The following PGR variants were observed in gnomAD, a reference collection of about 807,000 sequenced individuals.
PGR encodes nuclear receptor subfamily 3 group C member 3.
In PGR, 25 loss-of-function variants were observed where a neutral mutation model predicts 76.1. The observed-to-expected ratio is 0.33, with a 90% CI of 0.24 to 0.46. The LOEUF is 0.46. Among genes scored for constraint, PGR ranks in the 20% least tolerant of loss-of-function variants. PGR has a pLI of 1.00. For missense variants in PGR, 1,172 were observed against 1,225.3 expected, an observed-to-expected ratio of 0.96 and a Z score of 0.65; for synonymous variants, 579 against 535.0, an observed-to-expected ratio of 1.08 and a Z score of -1.14.
chr11:101,079,101 A>G (rs1466154427), intron 3 of PGR, among the ~76,000 whole-genome samples: 1 of 152,166 alleles, frequency 6.6e-6, no homozygotes, highest in Admixed American at 6.5e-5. Flanking sequence ...GAACTAGATC[A>G]CTATCACTCA....
chr11:101,087,884 A>G (rs1375706550), intron 3 of PGR, among the ~76,000 whole-genome samples: 1 of 152,138 alleles, frequency 6.6e-6, no homozygotes, highest in East Asian at 1.9e-4. Flanking sequence ...ATGACATACC[A>G]TCTTACACCA....
At chr11:101,062,776 T>C (rs754935595) in intron 3 of PGR, 24 bp from the exon 4 acceptor site, 5 of 1,529,790 alleles carry the variant, frequency 3.3e-6, no homozygotes, top group Non-Finnish European at 4.5e-6. Context: ...AAAAAAGAAA[T>C]TCATGTAAAT....
intron 2 of PGR, among the ~76,000 whole-genome samples, chr11:101,102,686 A>T (rs1178364843): frequency 1.3e-5 from 2 of 152,162 alleles, no homozygotes; most frequent in Non-Finnish European, 2.9e-5. Flanking sequence ...GGAAAATCTT[A>T]TTGAGTATAT....
Position 101,111,853 on chromosome 11 carries a change from A to C in PGR, c.1789+14154T>G, listed in dbSNP as rs2135487631. Among the ~76,000 whole-genome samples, 2 of 152,346 alleles carry C rather than the reference A, an allele frequency of 1.3e-5. 1 individual carries two copies. Among genetic ancestry groups the C allele is most frequent in the African/African-American group, 4.8e-5 (2 of 41,580 alleles). Reference sequence around the variant, plus strand: ...TTATCCACAGTTTGGAGACTGGATTAGATAACCAAGGAAGTAAGTATATAA... The same window carrying C: ...TTATCCACAGTTTGGAGACTGGATTCGATAACCAAGGAAGTAAGTATATAA... On this transcript the variant is annotated intron_variant, in intron 2 of 7. Coordinates refer to ENST00000325455, the MANE Select transcript of PGR (RefSeq NM_000926.4).
At chr11:101,062,866 C>A (rs922800978) in intron 3 of PGR, 114 bp from the exon 4 acceptor site, 7 of 426,806 alleles carry the variant, frequency 1.6e-5, no homozygotes, top group South Asian at 7.5e-5. Context: ...TAGCATCAAT[C>A]GAATGAAATA....
chr11:101,111,874 T>C (rs929818321), intron 2 of PGR, among the ~76,000 whole-genome samples: 2 of 152,106 alleles, frequency 1.3e-5, no homozygotes, highest in African/African-American at 4.8e-5. Context: ...GAAGTAAGTA[T>C]ATAAACAGAA....
intron 1 of PGR, chr11:101,126,931 T>G (rs927923209): frequency 6.6e-6 from 1 of 152,432 alleles, no homozygotes; most frequent in Non-Finnish European, 1.5e-5. Flanking sequence ...ATGGTGCTGC[T>G]TTCGGTTCTG....
Position 101,030,577 on chromosome 11 carries a change from C to A in PGR, c.*8539G>T, listed in dbSNP as rs762304834. On this transcript the variant is annotated 3_prime_UTR_variant, in exon 8 of 8. Transcript: ENST00000325455. ...TGTGTTTTTCTCTTTGGCACTGGAC[C>A]TTTCTCCTGGTCAGTTGGAGGCAGG... 2.2e-5 allele frequency: 5 copies of A among 223,024 alleles called. No individual in the cohort carries two copies. The highest frequency in any genetic ancestry group is 4.5e-5 in the Non-Finnish European group (5 of 111,768). The allele number at this position is 223,024 out of a possible 1,614,324, so 13.8% of individuals were successfully genotyped here. A position where few individuals can be genotyped will look rare whatever the true frequency, so the allele number is the denominator to read the frequency against.
At chr11:101,092,368 G>C (rs1226081534) in intron 2 of PGR, among the ~76,000 whole-genome samples, 4 of 152,276 alleles carry the variant, frequency 2.6e-5, no homozygotes, top group African/African-American at 9.6e-5. Context: ...AAAAATCCCA[G>C]AGCTGGTTCT....
chr11:101,056,832 T>C (rs913552007), intron 4 of PGR, among the ~76,000 whole-genome samples: 3 of 152,174 alleles, frequency 2.0e-5, no homozygotes, highest in African/African-American at 7.2e-5. Context: ...ACAACTTTCA[T>C]ACACAAGTAT....
chr11:101,097,543 TA>T (rs1414510062), intron 2 of PGR, among the ~76,000 whole-genome samples: 1 of 152,208 alleles, frequency 6.6e-6, no homozygotes, highest in Non-Finnish European at 1.5e-5. Flanking sequence ...TAGATAGGTG[TA>T]TATACAATTA....
chr11:101,110,593 G>GT (rs1400600943), intron 2 of PGR, among the ~76,000 whole-genome samples: 1 of 152,122 alleles, frequency 6.6e-6, no homozygotes, highest in East Asian at 1.9e-4. Flanking sequence ...TCTGCTCCTG[G>GT]TGAAGACGCT....
Position 101,127,573 on chromosome 11 carries a change from C to A in PGR, c.1498G>T (p.Ala500Ser). The A allele has an allele frequency of 2.2e-6, 3 of 1,368,364 alleles. No individual in the cohort carries two copies. The highest frequency in any genetic ancestry group is 2.8e-6 in the Non-Finnish European group (3 of 1,061,682). The allele number at this position is 1,368,364 out of a possible 1,614,324, so 84.8% of individuals were successfully genotyped here. ...LPRDGLPSTS[A>S]SAAAAGAAPA... ...GCCGCCCCGGCGGCGGCGGCAGAGG[C>A]GGAGGTGGAGGGCAGGCCGTCCCGC... The change falls in exon 1 of 8, where the codon GCC becomes TCC. Residue 500 changes from alanine (A) to serine (S), a missense_variant. Coordinates refer to ENST00000325455, the MANE Select transcript of PGR (RefSeq NM_000926.4).
chr11:101,103,386 G>A (rs1464972525), intron 2 of PGR, among the ~76,000 whole-genome samples: 2 of 152,026 alleles, frequency 1.3e-5, no homozygotes, highest in African/African-American at 4.8e-5. Context: ...GAGACCTTAA[G>A]GGTGATCCTG....
chr11:101,127,403 G>A, intron 1 of PGR, 31 bp downstream of exon 1: 1 of 1,486,102 alleles, frequency 6.7e-7, no homozygotes, highest in Non-Finnish European at 9.0e-7. Context: ...ACTCCCGGAC[G>A]CGCTGGGCGT....
At chr11:101,111,245 A>AT (rs1024162789) in intron 2 of PGR, among the ~76,000 whole-genome samples, 1 of 152,092 alleles carries the variant, frequency 6.6e-6, no homozygotes, top group African/African-American at 2.4e-5. Flanking sequence ...AGCCTCTCAC[A>AT]TTTTTTAGAA....
chr11:101,101,606 A>T (rs1189699704), intron 2 of PGR, among the ~76,000 whole-genome samples: 3 of 152,202 alleles, frequency 2.0e-5, no homozygotes, highest in African/African-American at 7.2e-5. Flanking sequence ...CCAACTACAT[A>T]TCTGTGTGAG....
chr11:101,079,260 G>A (rs1239069862), intron 3 of PGR, among the ~76,000 whole-genome samples: 2 of 152,046 alleles, frequency 1.3e-5, no homozygotes, highest in Non-Finnish European at 2.9e-5. Flanking sequence ...GGCAATCAAG[G>A]CAAAAATTGA....
chr11:101,055,313 G>T (rs1216833237), intron 4 of PGR, among the ~76,000 whole-genome samples: 1 of 149,794 alleles, frequency 6.7e-6, no homozygotes, highest in Non-Finnish European at 1.5e-5. Context: ...CTACTTGGGA[G>T]GATGAGGCAG....
Sources: gnomAD v4.1 joint callset for allele counts (sites outside exome capture counted in the v4.1 genomes callset) on GRCh38, gnomAD v4.1.1 for gene constraint, MANE v1.5 for transcripts, NCBI Gene and HGNC (gene_info 2026-07-23, HGNC 2026-07-21) for gene names.